The following CRACR2A variants were observed in gnomAD, a reference collection of about 807,000 sequenced individuals.
CRACR2A encodes the protein calcium release activated channel regulator 2A.
Under a neutral mutation model 90.5 loss-of-function variants are expected in CRACR2A, and 79 were observed. The observed-to-expected ratio is 0.87, with a 90% CI of 0.73 to 1.05. The LOEUF is 1.05. Ranked by LOEUF, CRACR2A falls within the 50% of genes least tolerant of loss-of-function variation. The pLI is 0.00. For synonymous variants in CRACR2A, 338 were observed against 356.7 expected, an observed-to-expected ratio of 0.95 and a Z score of 0.59; for missense variants, 823 against 897.2, an observed-to-expected ratio of 0.92 and a Z score of 1.06.
chr12:3,724,867 G>A (rs1346741279), intron 2 of CRACR2A, among the ~76,000 whole-genome samples: 1 of 152,182 alleles, frequency 6.6e-6, no homozygotes, highest in Non-Finnish European at 1.5e-5. Flanking sequence ...GCTATGGAAT[G>A]GAGTGTGAAC....
chr12:3,623,583 G>C (rs1485958934), intron 17 of CRACR2A, among the ~76,000 whole-genome samples: 1 of 152,160 alleles, frequency 6.6e-6, no homozygotes, highest in Non-Finnish European at 1.5e-5. Context: ...CTTAGAGCCT[G>C]ACTAGTTTCT....
chr12:3,622,562 GGAGCA>G (rs1266593456), intron 17 of CRACR2A, among the ~76,000 whole-genome samples: 1 of 152,196 alleles, frequency 6.6e-6, no homozygotes, highest in Non-Finnish European at 1.5e-5. Flanking sequence ...CTGTCAACTT[GGAGCA>G]GTGGATTGGC....
intron 2 of CRACR2A, among the ~76,000 whole-genome samples, chr12:3,724,141 G>C (rs1721032384): frequency 6.6e-6 from 1 of 152,110 alleles, no homozygotes. Flanking sequence ...TTCTTGTCAG[G>C]CGGCGTTTAA....
At chr12:3,682,078 T>A (rs1945465611) in intron 4 of CRACR2A, among the ~76,000 whole-genome samples, 1 of 152,162 alleles carries the variant, frequency 6.6e-6, no homozygotes, top group Non-Finnish European at 1.5e-5. Flanking sequence ...GAGAGTCAAT[T>A]TTGCAAGCAG....
intron 17 of CRACR2A, among the ~76,000 whole-genome samples, chr12:3,622,225 AC>A (rs1234790071): frequency 6.6e-6 from 1 of 152,206 alleles, no homozygotes; most frequent in Non-Finnish European, 1.5e-5. Flanking sequence ...TTGTCTTGAG[AC>A]TGTGAGAGAT....
chr12:3,729,014 A>G (rs1946317731), intron 2 of CRACR2A: 1 of 152,204 alleles, frequency 6.6e-6, no homozygotes, highest in Non-Finnish European at 1.5e-5. Flanking sequence ...CATTCTGGAC[A>G]CAACCCAACG....
chr12:3,692,348 T>C (rs1294698823), intron 4 of CRACR2A, among the ~76,000 whole-genome samples: 1 of 152,118 alleles, frequency 6.6e-6, no homozygotes, highest in African/African-American at 2.4e-5. Flanking sequence ...GAGGGTTTGA[T>C]TGTGGTATGA....
chr12:3,629,816 G>C (rs2137314516), intron 15 of CRACR2A, among the ~76,000 whole-genome samples: 2 of 149,148 alleles, frequency 1.3e-5, no homozygotes, highest in East Asian at 4.0e-4. Flanking sequence ...AGGCTCTTGG[G>C]GGCTGGGTGT....
intron 17 of CRACR2A, among the ~76,000 whole-genome samples, chr12:3,623,950 T>A (rs886718206): frequency 6.6e-6 from 1 of 152,194 alleles, no homozygotes; most frequent in Non-Finnish European, 1.5e-5. Context: ...CCCAGAGAGA[T>A]AGTCAAATGC....
chr12:3,745,791 A>AAAAT (rs1946607598), intron 1 of CRACR2A, among the ~76,000 whole-genome samples: 8 of 5,414 alleles, frequency 1.5e-3, no homozygotes, highest in Non-Finnish European at 2.0e-3. Context: ...AAAATAAAAT[A>AAAAT]AAATAAAATA....
chr12:3,674,640 G>T (rs545077925), intron 6 of CRACR2A, among the ~76,000 whole-genome samples: 1 of 152,262 alleles, frequency 6.6e-6, no homozygotes, highest in South Asian at 2.1e-4. Flanking sequence ...AATTTCACAG[G>T]CTAGTTTATT....
At chr12:3,751,473 C>G (rs1946701089) in intron 1 of CRACR2A, among the ~76,000 whole-genome samples, 1 of 152,190 alleles carries the variant, frequency 6.6e-6, no homozygotes, top group African/African-American at 2.4e-5. Flanking sequence ...CAAAATATCC[C>G]TAGGCTTAAT....
intron 12 of CRACR2A, 39 bp downstream of exon 12, chr12:3,644,556 C>T (rs1270865722): frequency 6.5e-7 from 1 of 1,548,200 alleles, no homozygotes; most frequent in African/African-American, 1.4e-5. Context: ...GGACCACAGC[C>T]CTTGGTCCCC....
intron 3 of CRACR2A, among the ~76,000 whole-genome samples, chr12:3,707,507 G>A (rs1945945806): frequency 6.6e-6 from 1 of 152,182 alleles, no homozygotes; most frequent in Non-Finnish European, 1.5e-5. Context: ...TAAGAACTAA[G>A]CCCTATTATG....
At chr12:3,648,080 C>G in intron 11 of CRACR2A, 10 of 995,572 alleles carry the variant, frequency 1.0e-5, no homozygotes, top group Non-Finnish European at 1.2e-5. Context: ...CATTCTGGCC[C>G]CATCAGAGAG....
intron 10 of CRACR2A, 55 bp from the exon 11 acceptor site, chr12:3,648,668 G>A (rs551652517): frequency 3.6e-5 from 56 of 1,576,842 alleles, no homozygotes; most frequent in East Asian, 2.7e-4. Context: ...CCGGATGCCC[G>A]GACCCCTCAT....
chr12:3,705,875 G>A (rs77328473), intron 3 of CRACR2A, among the ~76,000 whole-genome samples: 97 of 152,234 alleles, frequency 6.4e-4, no homozygotes, highest in African/African-American at 2.2e-3. Context: ...TTCTGGGTTG[G>A]TGTAGGGGGC....
chr12:3,650,348 T>C (rs925234600), intron 10 of CRACR2A, among the ~76,000 whole-genome samples: 88 of 152,234 alleles, frequency 5.8e-4, no homozygotes, highest in African/African-American at 1.8e-3. Flanking sequence ...GCAAAGTTAA[T>C]TTACAGCAAT....
At chr12:3,713,006 C>T (rs1946028599) in intron 3 of CRACR2A, among the ~76,000 whole-genome samples, 1 of 151,908 alleles carries the variant, frequency 6.6e-6, no homozygotes, top group Non-Finnish European at 1.5e-5. Flanking sequence ...CTTAAATGAA[C>T]TTAAGTGATA....
Sources: gnomAD v4.1 joint callset for allele counts (sites outside exome capture counted in the v4.1 genomes callset) on GRCh38, gnomAD v4.1.1 for gene constraint, MANE v1.5 for transcripts, NCBI Gene and HGNC (gene_info 2026-07-23, HGNC 2026-07-21) for gene names.